The following RASSF8 variants were observed in gnomAD, a reference collection of about 807,000 sequenced individuals.
RASSF8 encodes the protein ras association domain-containing protein 8.
In RASSF8, 22 loss-of-function variants were observed where a neutral mutation model predicts 48.5. The ratio of observed to expected loss-of-function variants is 0.45; its 90% CI spans 0.32 to 0.65. The LOEUF (loss-of-function observed/expected upper bound fraction) is 0.65. RASSF8 is among the 30% of genes least tolerant of loss of function. The pLI, the probability that RASSF8 is intolerant of heterozygous loss-of-function variation, is 0.03. For synonymous variants in RASSF8, 127 were observed against 171.5 expected (o/e 0.74, Z 2.03); for missense variants, 418 against 489.2 (o/e 0.85, Z 1.37).
intron 1 of RASSF8, among the ~76,000 whole-genome samples, chr12:25,984,407 A>T (rs995968574): frequency 1.3e-5 from 2 of 151,502 alleles, no homozygotes; most frequent in Non-Finnish European, 2.9e-5. Flanking sequence ...TAGTGGCACG[A>T]TCTCGGCTCA....
At position 26,068,852 on chromosome 12, in the gene RASSF8, G is replaced by A; in HGVS notation, c.*34G>A. 6.5e-7 allele frequency: 1 copy of A among 1,534,468 alleles called. No individual in the cohort carries two copies. The highest frequency in any genetic ancestry group is 8.7e-7 in the Non-Finnish European group (1 of 1,145,500). ...GTCTTTAGGGAGGAGACCCAACAGA[G>A]GTACCAAGGACAGTAAACTTCCTTT... On this transcript the variant is annotated 3_prime_UTR_variant, in exon 6 of 6. Coordinates refer to ENST00000689635, the MANE Select transcript of RASSF8 (RefSeq NM_001394098.1).
intron 2 of RASSF8, among the ~76,000 whole-genome samples, chr12:26,000,839 T>C (rs1267168247): frequency 6.6e-6 from 1 of 152,140 alleles, no homozygotes; most frequent in Non-Finnish European, 1.5e-5. Context: ...GGGTATTGCC[T>C]AGAATGGAGC....
At chr12:26,048,215 G>A (rs530623294) in intron 2 of RASSF8, among the ~76,000 whole-genome samples, 238 of 152,288 alleles carry the variant, frequency 1.6e-3, no homozygotes, top group African/African-American at 5.6e-3. Flanking sequence ...TTTGGTTTCC[G>A]GGAACTCTGA....
intron 1 of RASSF8, chr12:25,959,627 C>T (rs1450056141): frequency 6.6e-6 from 1 of 152,192 alleles, no homozygotes; most frequent in Non-Finnish European, 1.5e-5. Flanking sequence ...TTCTATTCTC[C>T]TTTGCCGCCA....
chr12:26,003,492 T>C (rs1223218178), intron 2 of RASSF8, among the ~76,000 whole-genome samples: 1 of 152,230 alleles, frequency 6.6e-6, no homozygotes, highest in African/African-American at 2.4e-5. Flanking sequence ...CAGACTATTA[T>C]GCAGCCAATA....
intron 2 of RASSF8, among the ~76,000 whole-genome samples, chr12:26,027,964 CT>C (rs1490444719): frequency 6.6e-6 from 1 of 152,136 alleles, no homozygotes. Flanking sequence ...GGAACGTCAG[CT>C]GTGCAGATGC....
At chr12:26,058,851 TA>T (rs1218101417) in intron 3 of RASSF8, among the ~76,000 whole-genome samples, 1 of 152,238 alleles carries the variant, frequency 6.6e-6, no homozygotes, top group Non-Finnish European at 1.5e-5. Flanking sequence ...GTGATGGATG[TA>T]GGACACATGC....
intron 2 of RASSF8, among the ~76,000 whole-genome samples, chr12:26,050,053 A>G (rs1826754): frequency 0.84 from 128,496 of 152,150 alleles, 54,368 homozygotes; most frequent in East Asian, 0.99. Context: ...AAAGTGCTGG[A>G]ATTACAGGCG....
intron 2 of RASSF8, among the ~76,000 whole-genome samples, chr12:26,016,337 G>A (rs2137044017): frequency 6.6e-6 from 1 of 151,790 alleles, no homozygotes; most frequent in South Asian, 2.1e-4. Flanking sequence ...TGGTTATAGT[G>A]GTCCTTTAAA....
chr12:26,012,640 T>A (rs902195812), intron 2 of RASSF8, among the ~76,000 whole-genome samples: 1 of 152,038 alleles, frequency 6.6e-6, no homozygotes, highest in African/African-American at 2.4e-5. Context: ...TCCAGATTTG[T>A]TTTTTCTGGG....
In RASSF8 at chr12:25,958,827, C is replaced by T. The variant is rs1941148296; in HGVS notation, c.-524C>T. ...CCCAGCCTCGCCGAGCCTCGCCCTT[C>T]CCGCCCGCGGCGGCGTTGGCGCTGG... On this transcript the variant is annotated 5_prime_UTR_variant, in exon 1 of 6. Coordinates refer to ENST00000689635, the MANE Select transcript of RASSF8 (RefSeq NM_001394098.1). The T allele has an allele frequency of 6.8e-6, 1 of 147,202 alleles. No individual in the cohort carries two copies. Among genetic ancestry groups the T allele is most frequent in the Non-Finnish European group, 1.5e-5 (1 of 66,104 alleles). The allele number at this position is 147,202 out of a possible 1,614,324, so 9.1% of individuals were successfully genotyped here.
At chr12:26,038,712 C>G (rs1943204122) in intron 2 of RASSF8, among the ~76,000 whole-genome samples, 1 of 151,772 alleles carries the variant, frequency 6.6e-6, no homozygotes, top group Admixed American at 6.6e-5. Flanking sequence ...AAGTAGTGCT[C>G]AGTGAAGCCC....
At chr12:25,973,295 T>C (rs1565599445) in intron 1 of RASSF8, among the ~76,000 whole-genome samples, 1 of 152,006 alleles carries the variant, frequency 6.6e-6, no homozygotes, top group South Asian at 2.1e-4. Context: ...GTGGGACATA[T>C]GAAGGGGAAT....
intron 2 of RASSF8, among the ~76,000 whole-genome samples, chr12:26,032,618 C>T (rs1365552948): frequency 1.3e-5 from 2 of 152,068 alleles, no homozygotes; most frequent in Admixed American, 1.3e-4. Context: ...TATTTACCTG[C>T]AATTTATAGC....
At chr12:26,077,984 G>T (rs753326711) in intron 5 of RASSF8, among the ~76,000 whole-genome samples, 1 of 152,208 alleles carries the variant, frequency 6.6e-6, no homozygotes, top group East Asian at 1.9e-4. Flanking sequence ...GGTTAATTTT[G>T]TTGAAGGCAG....
chr12:25,994,743 T>C (rs1942093100), intron 1 of RASSF8, among the ~76,000 whole-genome samples: 1 of 152,184 alleles, frequency 6.6e-6, no homozygotes, highest in African/African-American at 2.4e-5. Context: ...ACAAAGTCTC[T>C]CCTAGAACTC....
downstream of RASSF8, among the ~76,000 whole-genome samples, chr12:26,073,810 A>G (rs537301542): frequency 1.4e-4 from 16 of 111,528 alleles, no homozygotes; most frequent in African/African-American, 7.1e-4. Context: ...ACACACACAT[A>G]TATATACACA....
chr12:26,069,829 T>A lies in RASSF8; in HGVS notation c.*1011T>A. ...GCTTGCACATAATTTGCTCTGCATA[T>A]TATGGACCATTGTGGTTTCTTCCAG... On this transcript the variant is annotated 3_prime_UTR_variant, in exon 6 of 6. Transcript: ENST00000689635. 6.1e-6 allele frequency: 6 copies of A among 985,190 alleles called. No individual in the cohort carries two copies. The highest frequency in any genetic ancestry group is 7.2e-6 in the Non-Finnish European group (6 of 829,696). 61.0% of individuals were successfully genotyped at this position (985,190 alleles called of 1,614,324 possible).
intron 2 of RASSF8, among the ~76,000 whole-genome samples, chr12:25,996,146 A>G (rs908493352): frequency 5.3e-5 from 8 of 152,312 alleles, no homozygotes; most frequent in Non-Finnish European, 1.2e-4. Flanking sequence ...GAAGGCTGCA[A>G]ATGTTGAGAG....
Sources: gnomAD v4.1 joint callset for allele counts (sites outside exome capture counted in the v4.1 genomes callset) on GRCh38, gnomAD v4.1.1 for gene constraint, MANE v1.5 for transcripts, NCBI Gene and HGNC (gene_info 2026-07-23, HGNC 2026-07-21) for gene names.